The following PCNT variants were observed in gnomAD, a reference collection of about 807,000 sequenced individuals.
PCNT encodes pericentrin.
In PCNT, 319 loss-of-function variants were observed where a neutral mutation model predicts 380.4. The observed-to-expected ratio is 0.84, with a 90% CI of 0.77 to 0.92. PCNT has a LOEUF of 0.92. Ranked by LOEUF, PCNT falls within the 40% of genes least tolerant of loss-of-function variation. The pLI, the probability that PCNT is intolerant of heterozygous loss-of-function variation, is 0.00. For synonymous variants in PCNT, 1,845 were observed against 1,735.2 expected, an observed-to-expected ratio of 1.06 and a Z score of -1.57; for missense variants, 4,400 against 4,255.3, an observed-to-expected ratio of 1.03 and a Z score of -0.95.
chr21:46,435,670 G>A (rs1440690428), intron 38 of PCNT, among the ~76,000 whole-genome samples: 1 of 151,952 alleles, frequency 6.6e-6, no homozygotes, highest in Admixed American at 6.6e-5. Context: ...ATCCTCTCGA[G>A]TAGCTGGGAC....
chr21:46,402,110 TC>T (rs1239828146), intron 26 of PCNT, among the ~76,000 whole-genome samples: 1 of 142,448 alleles, frequency 7.0e-6, no homozygotes, highest in Non-Finnish European at 1.5e-5. Context: ...TGCTTGAGCC[TC>T]TCAAAGTGCT....
chr21:46,331,438 G>A (rs2083557735), intron 2 of PCNT, among the ~76,000 whole-genome samples: 2 of 152,148 alleles, frequency 1.3e-5, no homozygotes, highest in Admixed American at 1.3e-4. Flanking sequence ...CGGCTCTGTT[G>A]CCTTACAATT....
intron 17 of PCNT, 100 bp downstream of exon 17, chr21:46,386,083 T>A (rs1402112684): frequency 2.8e-6 from 4 of 1,414,072 alleles, no homozygotes; most frequent in Non-Finnish European, 4.0e-6. Context: ...CCGTGGCTGC[T>A]GCCACCATGC....
intron 1 of PCNT, chr21:46,324,976 C>G (rs917960560): frequency 4.4e-5 from 37 of 838,858 alleles, no homozygotes; most frequent in African/African-American, 5.8e-5. Context: ...TCCTGCCCGT[C>G]CGGGCCTGGC....
At chr21:46,406,154 C>G (rs185231266) in intron 27 of PCNT, among the ~76,000 whole-genome samples, 1 of 152,198 alleles carries the variant, frequency 6.6e-6, no homozygotes, top group Admixed American at 6.5e-5. Flanking sequence ...ACGGAGCTCC[C>G]GTCTCCCTGG....
chr21:46,363,434 C>T (rs371073144), intron 13 of PCNT, 46 bp from the exon 14 acceptor site: 6 of 1,493,838 alleles, frequency 4.0e-6, no homozygotes, highest in South Asian at 1.1e-5. Context: ...CTAATAATCT[C>T]TTCCATTAGC....
At chr21:46,326,938 G>C (rs2083413008) in intron 2 of PCNT, among the ~76,000 whole-genome samples, 1 of 151,350 alleles carries the variant, frequency 6.6e-6, no homozygotes. Flanking sequence ...GCTTCAACTT[G>C]TGAGGCAGAG....
Position 46,388,929 on chromosome 21 carries a change from C to T in PCNT, c.3607+45C>T, listed in dbSNP as rs777093204. The T allele has an allele frequency of 6.4e-6, 10 of 1,551,544 alleles. No individual in the cohort carries two copies. Among genetic ancestry groups the T allele is most frequent in the Middle Eastern group, 2.3e-4 (1 of 4,380 alleles). On this transcript the variant is annotated intron_variant, in intron 18 of 46. Transcript: ENST00000359568. This position sits in a 1 kb window ranked among gnomAD's most constrained non-coding sequence, Gnocchi z 4.2. The stretch of plus-strand genomic sequence containing the variant: ...CTGCCCAGCCCTGTGCTTGCAGCCC[C>T]TCTGTGGTCCTGGAGCTCTCTGAGA...
At chr21:46,403,719 A>G (rs962203784) in intron 27 of PCNT, among the ~76,000 whole-genome samples, 2 of 143,222 alleles carry the variant, frequency 1.4e-5, no homozygotes, top group African/African-American at 2.7e-5. Flanking sequence ...GAATGAACAC[A>G]GCGTGGGAGA....
intron 44 of PCNT, chr21:46,442,816 C>T (rs992052580): frequency 1.4e-5 from 8 of 579,214 alleles, no homozygotes; most frequent in African/African-American, 1.3e-4. Context: ...CACTGAGATG[C>T]TCAATATATT....
chr21:46,364,311 G>A (rs1306458875), intron 14 of PCNT, among the ~76,000 whole-genome samples: 3 of 152,148 alleles, frequency 2.0e-5, no homozygotes. Context: ...CTTTGTGCTT[G>A]GATGGGCAGG....
chr21:46,328,375 G>C lies in PCNT; in HGVS notation c.267+1786G>C, dbSNP rs765826599. ...CCTCCCAGGCTGAAGCGATCTTCCT[G>C]CCTCAGGCTCCCAAAGTGCCAGGAT... On this transcript the variant is annotated intron_variant, in intron 2 of 46. Coordinates refer to ENST00000359568, the MANE Select transcript of PCNT (RefSeq NM_006031.6). Among the ~76,000 whole-genome samples the C allele has an allele frequency of 3.3e-5, 5 of 151,822 alleles. No individual in the cohort carries two copies. The East Asian group carries it at 7.7e-4, about 23-fold the overall frequency.
intron 27 of PCNT, among the ~76,000 whole-genome samples, chr21:46,405,104 A>G (rs762273344): frequency 5.9e-5 from 9 of 152,160 alleles, no homozygotes; most frequent in Non-Finnish European, 1.2e-4. Context: ...AGCCAGGCAT[A>G]CACCTATAGT....
intron 15 of PCNT, among the ~76,000 whole-genome samples, chr21:46,374,773 T>C (rs951062184): frequency 7.9e-5 from 11 of 138,800 alleles, no homozygotes; most frequent in Non-Finnish European, 1.4e-4. Context: ...CGCTTGAACC[T>C]GGGAGGTGGA....
In PCNT at chr21:46,416,785, GCA is replaced by G; in HGVS notation, c.6868_6869del (p.Gln2290ValfsTer8). On this transcript the variant is annotated frameshift_variant, in exon 30 of 47. Transcript: ENST00000359568. LOFTEE classifies it high-confidence loss of function. ...GCGTGTCTGCAGCAGCGCTGGCACT[GCA>G]GTGGGCCGAGTCTCCGCCGGCTGAC... ...PGVSAAALALQWAESPPADDH... is the reference protein window; with the variant it reads ...PGVSAAALALXWAESPPADDH... 6.2e-7 allele frequency: 1 copy of G among 1,602,024 alleles called. No homozygotes were observed. Among genetic ancestry groups the G allele is most frequent in the Non-Finnish European group, 8.5e-7 (1 of 1,179,112 alleles).
At position 46,334,658 on chromosome 21, in the gene PCNT, C is replaced by T. The variant is rs750382217; in HGVS notation, c.529C>T (p.His177Tyr). The change falls in exon 3 of 47, where the codon CAC (histidine) becomes TAC (tyrosine). Residue 177 changes from histidine to tyrosine, a missense_variant. By Grantham distance (83) the His-to-Tyr change is moderately conservative (BLOSUM62 2). Transcript: ENST00000359568. ...EQRGMFTISD[H>Y]QPEQRGMFTV... ...GCGTGGGATGTTCACAATCAGTGAC[C>T]ACCAACCGGAACAGCGTGGGATGTT... 4.4e-6 allele frequency: 7 copies of T among 1,604,936 alleles called. No individual in the cohort carries two copies. The South Asian group carries it at 7.8e-5, about 18-fold the overall frequency.
intron 21 of PCNT, among the ~76,000 whole-genome samples, chr21:46,392,803 G>A (rs993555772): frequency 3.0e-4 from 45 of 152,136 alleles, no homozygotes; most frequent in Admixed American, 2.9e-3. Flanking sequence ...TGTCATTCTC[G>A]TTTATCCCGT....
intron 11 of PCNT, among the ~76,000 whole-genome samples, chr21:46,355,175 G>C (rs2084426375): frequency 2.6e-5 from 4 of 152,196 alleles, no homozygotes; most frequent in Admixed American, 2.6e-4. Context: ...GGTCTGCCCG[G>C]TCCAGGGCCC....
Position 46,366,632 on chromosome 21 carries a change from A to G in PCNT, c.2658A>G (p.Gln886=). 1 of 1,614,096 alleles carries G rather than the reference A, an allele frequency of 6.2e-7. No individual in the cohort carries two copies. Among genetic ancestry groups the G allele is most frequent in the Non-Finnish European group, 8.5e-7 (1 of 1,180,008 alleles). ...KEITEKFSAE[Q]DAFLQEAQEQ... is the part of the protein sequence containing the mutation. ...TCACCGAGAAATTCAGTGCGGAACA[A>G]GATGCCTTCCTGCAGGAGGCCCAGG... is the stretch of plus-strand genomic sequence containing the variant. Residue 886 remains glutamine, a synonymous_variant, in exon 15 of 47, where the codon CAA becomes CAG. Coordinates refer to ENST00000359568, the MANE Select transcript of PCNT (RefSeq NM_006031.6).
Sources: gnomAD v4.1 joint callset for allele counts (sites outside exome capture counted in the v4.1 genomes callset) on GRCh38, gnomAD v4.1.1 for gene constraint, Gnocchi (gnomAD v3.1) non-coding constraint, MANE v1.5 for transcripts, NCBI Gene and HGNC (gene_info 2026-07-23, HGNC 2026-07-21) for gene names.